The following GANC variants were observed in gnomAD, a reference collection of about 807,000 sequenced individuals.
The protein encoded by GANC is glucosidase alpha, neutral C, also known as neutral alpha-glucosidase C.
In GANC, 117 loss-of-function variants were observed where a neutral mutation model predicts 124.2. The ratio of observed to expected loss-of-function variants is 0.94; its 90% CI spans 0.81 to 1.10. The LOEUF is 1.10. Ranked by LOEUF, GANC falls within the 50% of genes least tolerant of loss-of-function variation. The pLI is 0.00. For missense variants in GANC, 1,140 were observed against 1,095.0 expected (o/e 1.04, Z -0.58); for synonymous variants, 377 against 376.8 (o/e 1.00, Z -0.01).
intron 5 of GANC, among the ~76,000 whole-genome samples, chr15:42,297,354 G>C (rs1430122558): frequency 6.6e-6 from 1 of 151,974 alleles, no homozygotes; most frequent in South Asian, 2.1e-4. Context: ...TTAAAGATGA[G>C]ATCTCACTAT....
At chr15:42,337,358 T>A (rs1386577430) in intron 15 of GANC, among the ~76,000 whole-genome samples, 1 of 152,196 alleles carries the variant, frequency 6.6e-6, no homozygotes, top group Non-Finnish European at 1.5e-5. Context: ...TTTTTTTCTT[T>A]TTTATTAAAT....
At chr15:42,310,194 A>C in intron 8 of GANC, 89 bp from the exon 9 acceptor site, 1 of 986,600 alleles carries the variant, frequency 1.0e-6, no homozygotes, top group Non-Finnish European at 1.4e-6. Context: ...GTGGGACCTA[A>C]GTGTTTAGAG....
Position 42,338,452 on chromosome 15 carries a change from TACTC to T in GANC, c.1810_1813del (p.Thr604SerfsTer13), listed in dbSNP as rs765575752. ...AACTTGAAAATTTCTATCCCAATGT[TACTC>T]ACTCTCAGCATTACTGGGATCTCTT... On this transcript the variant is annotated frameshift_variant, in exon 16 of 24. Coordinates refer to ENST00000318010, the MANE Select transcript of GANC (RefSeq NM_198141.3). LOFTEE classifies it high-confidence loss of function. The T allele has an allele frequency of 3.1e-6, 5 of 1,614,074 alleles. No individual in the cohort carries two copies. The Admixed American group carries it at 6.7e-5, about 22-fold the overall frequency.
At chr15:42,315,404 G>T (rs559368529) in intron 10 of GANC, among the ~76,000 whole-genome samples, 2 of 152,310 alleles carry the variant, frequency 1.3e-5, no homozygotes, top group South Asian at 4.1e-4. Flanking sequence ...GCTCAGCATT[G>T]TTAGTCATTA....
chr15:42,304,479 A>T (rs542138847), intron 6 of GANC, among the ~76,000 whole-genome samples: 2 of 152,218 alleles, frequency 1.3e-5, no homozygotes, highest in Non-Finnish European at 2.9e-5. Context: ...ACACAAACAA[A>T]TGGAAACATT....
Position 42,273,639 on chromosome 15 carries a change from T to G in GANC, c.-843T>G, listed in dbSNP as rs1360939687. On this transcript the variant is annotated 5_prime_UTR_variant, in exon 1 of 24. An upstream start codon of the reference 5' UTR is lost. Coordinates refer to ENST00000318010, the MANE Select transcript of GANC (RefSeq NM_198141.3). Reference sequence around the variant, plus strand: ...CAGCTGGGTTAGAGAGATCGCTACATGCCAGCCTGGCCTGAGTCTTTTCTG... The same window carrying G: ...CAGCTGGGTTAGAGAGATCGCTACAGGCCAGCCTGGCCTGAGTCTTTTCTG... 1.7e-6 allele frequency: 1 copy of G among 592,806 alleles called. No homozygotes were observed. The highest frequency in any genetic ancestry group is 3.1e-5 in the East Asian group (1 of 31,972). The allele number at this position is 592,806 out of a possible 1,614,324, so 36.7% of individuals were successfully genotyped here. A position where few individuals can be genotyped will look rare whatever the true frequency, so the allele number is the denominator to read the frequency against.
chr15:42,279,014 AAG>A (rs1296387202), intron 3 of GANC, among the ~76,000 whole-genome samples: 1 of 152,178 alleles, frequency 6.6e-6, no homozygotes, highest in Non-Finnish European at 1.5e-5. Flanking sequence ...CAAAGAAAGA[AAG>A]AAAATGAATG....
chr15:42,326,875 A>G (rs2052202375), intron 12 of GANC, among the ~76,000 whole-genome samples: 1 of 152,214 alleles, frequency 6.6e-6, no homozygotes, highest in Admixed American at 6.5e-5. Flanking sequence ...AAAGTTATTA[A>G]AAGTTATTAA....
intron 21 of GANC, among the ~76,000 whole-genome samples, chr15:42,348,462 T>A (rs903671242): frequency 2.0e-5 from 3 of 152,238 alleles, no homozygotes; most frequent in African/African-American, 7.2e-5. Flanking sequence ...GCTCTTCAAC[T>A]TGACGTTGAT....
chr15:42,331,851 A>C (rs2052248223), intron 15 of GANC, among the ~76,000 whole-genome samples: 1 of 152,050 alleles, frequency 6.6e-6, no homozygotes. Flanking sequence ...GGTAGATTTA[A>C]TTGCATGAAA....
In GANC at chr15:42,326,358, G is replaced by A; in HGVS notation, c.1354G>A (p.Ala452Thr). Residue 452 changes from alanine (A) to threonine (T), a missense_variant, in exon 12 of 24, where the codon GCC (alanine) becomes ACC (threonine). Coordinates refer to ENST00000318010, the MANE Select transcript of GANC (RefSeq NM_198141.3). The part of the protein sequence containing the change: ...IDPDYSVYVK[A>T]KDQGFFVKNQ... ...TCCTGACTACTCAGTATATGTGAAG[G>A]CCAAAGATCAGGGCTTCTTTGTGAA... 1.9e-6 allele frequency: 3 copies of A among 1,614,102 alleles called. No individual in the cohort carries two copies. The South Asian group carries it at 3.3e-5, about 18-fold the overall frequency.
At chr15:42,311,031 C>T (rs2052045604) in intron 10 of GANC, among the ~76,000 whole-genome samples, 185 bp downstream of exon 10, 1 of 152,210 alleles carries the variant, frequency 6.6e-6, no homozygotes, top group Non-Finnish European at 1.5e-5. Flanking sequence ...TGCACTGGGT[C>T]TAGAATGCTC....
chr15:42,345,796 A>G lies in GANC; in HGVS notation c.2268A>G (p.Gly756=). ...ATAAGACATTTGCTCATTGGGAAGG[A>G]GGGTGTACTGTAAAGATCCCAGTAG... The part of the protein sequence containing the change: ...YDYKTFAHWE[G]GCTVKIPVAL... The change falls in exon 20 of 24, where the codon GGA becomes GGG. Residue 756 remains glycine (G), a synonymous_variant. Coordinates refer to ENST00000318010, the MANE Select transcript of GANC (RefSeq NM_198141.3). The G allele has an allele frequency of 1.2e-6, 2 of 1,612,386 alleles. No homozygotes were observed. Among genetic ancestry groups the G allele is most frequent in the Middle Eastern group, 1.7e-4 (1 of 6,048 alleles).
At chr15:42,350,355 G>A (rs2052417404) in intron 22 of GANC, among the ~76,000 whole-genome samples, 1 of 151,422 alleles carries the variant, frequency 6.6e-6, no homozygotes, top group Non-Finnish European at 1.5e-5. Flanking sequence ...AAATGAAAAA[G>A]GACTTAATTT....
rs2051624743 is a variant in GANC at position 42,274,162 on chromosome 15, C to T, written c.-320C>T. On this transcript the variant is annotated 5_prime_UTR_variant, in exon 1 of 24. Transcript: ENST00000318010. Reference sequence around the variant, plus strand: ...GTTCTTAACGCTCTTGATTTTTACCCTCTAGGACTCATTGCGTACACGCCC... The same window carrying T: ...GTTCTTAACGCTCTTGATTTTTACCTTCTAGGACTCATTGCGTACACGCCC... 8.1e-6 allele frequency: 3 copies of T among 368,390 alleles called. No homozygotes were observed. Among genetic ancestry groups the T allele is most frequent in the Non-Finnish European group, 1.5e-5 (3 of 199,944 alleles). The allele number at this position is 368,390 out of a possible 1,614,324, so 22.8% of individuals were successfully genotyped here.
Position 42,283,698 on chromosome 15 carries a change from C to G in GANC, c.202-3993C>G, listed in dbSNP as rs186306114. The G allele has an allele frequency of 2.0e-5, 14 of 702,566 alleles. No individual in the cohort carries two copies. The Admixed American group carries it at 2.6e-4, about 13-fold the overall frequency. 43.5% of individuals were successfully genotyped at this position (702,566 alleles called of 1,614,324 possible). A position where few individuals can be genotyped will look rare whatever the true frequency, so the allele number is the denominator to read the frequency against. ...TCTCTGAGCACCTCTGTGAAGTTAC[C>G]CCTTGCCTCTTCATCTAAGCCTAAT... On this transcript the variant is annotated intron_variant, in intron 3 of 23. Transcript: ENST00000318010.
intron 7 of GANC, among the ~76,000 whole-genome samples, chr15:42,306,987 G>A (rs1161587146): frequency 6.6e-6 from 1 of 152,112 alleles, no homozygotes; most frequent in East Asian, 1.9e-4. Context: ...CAAGCCAATG[G>A]TTCTCAACCT....
At chr15:42,344,670 C>A (rs1465066350) in intron 19 of GANC, 1 of 152,214 alleles carries the variant, frequency 6.6e-6, no homozygotes, top group Non-Finnish European at 1.5e-5. Flanking sequence ...CTCTTGGTTT[C>A]TCCAGTTATT....
intron 15 of GANC, among the ~76,000 whole-genome samples, chr15:42,332,370 T>A (rs1169379015): frequency 6.6e-6 from 1 of 152,148 alleles, no homozygotes; most frequent in Non-Finnish European, 1.5e-5. Context: ...CAGCAACAGT[T>A]AAAAAAAGAT....
Sources: allele counts gnomAD v4.1 joint callset (sites outside exome capture counted in the v4.1 genomes callset), GRCh38; gene constraint gnomAD v4.1.1; transcripts MANE v1.5; gene names NCBI Gene and HGNC (gene_info 2026-07-23, HGNC 2026-07-21).